Variants in NLGN1 observed in about 807,000 individuals in gnomAD.
The protein encoded by NLGN1 is neuroligin 1.
A neutral mutation model predicts 65.5 loss-of-function variants in NLGN1; 12 were observed. That is an observed-to-expected ratio of 0.18 (90% CI 0.12 to 0.30). NLGN1 has a LOEUF of 0.30. Among genes scored for constraint, NLGN1 ranks in the 10% least tolerant of loss-of-function variants. NLGN1 has a pLI of 1.00. For missense variants in NLGN1, 750 were observed against 1,007.1 expected (o/e 0.74, Z 3.46); for synonymous variants, 350 against 359.5 (o/e 0.97, Z 0.30).
At chr3:174,259,434 CT>C (rs979304123) in intron 4 of NLGN1, among the ~76,000 whole-genome samples, 6 of 150,732 alleles carry the variant, frequency 4.0e-5, no homozygotes, top group South Asian at 2.1e-4. Flanking sequence ...GAGGAGATGG[CT>C]TTTTTTTTCT....
intron 3 of NLGN1, among the ~76,000 whole-genome samples, chr3:173,766,978 A>C (rs1345465693): frequency 1.8e-4 from 28 of 152,160 alleles, no homozygotes. Flanking sequence ...TTCTTCCTAA[A>C]ATTATCTCCT....
chr3:173,861,550 GTGTGT>G (rs1729095508), intron 4 of NLGN1, among the ~76,000 whole-genome samples: 3 of 127,690 alleles, frequency 2.3e-5, no homozygotes, highest in African/African-American at 9.8e-5. Context: ...GTGTGTGTGT[GTGTGT>G]GTATATACAC....
intron 4 of NLGN1, among the ~76,000 whole-genome samples, chr3:174,177,302 T>C (rs1729632896): frequency 6.6e-6 from 1 of 152,218 alleles, no homozygotes; most frequent in African/African-American, 2.4e-5. Context: ...TTTATTTTTC[T>C]CAATTTCCTA....
chr3:173,653,061 A>T lies in NLGN1; in HGVS notation c.493+47970A>T, dbSNP rs547381061. Among the ~76,000 whole-genome samples, 3 of 152,262 alleles carry T rather than the reference A, an allele frequency of 2.0e-5. No individual in the cohort carries two copies. The South Asian group carries it at 6.2e-4, about 32-fold the overall frequency. ...GGTTTCATTGTTGTTAGTGTATAAAAATGCTACTGATTTTTGTATATCTAT... is the reference window on the plus strand; with the variant it reads ...GGTTTCATTGTTGTTAGTGTATAAATATGCTACTGATTTTTGTATATCTAT... On this transcript the variant is annotated intron_variant, in intron 3 of 6. Coordinates refer to ENST00000457714, the Ensembl canonical transcript of NLGN1.
chr3:174,052,953 T>C (rs1735236445), intron 4 of NLGN1, among the ~76,000 whole-genome samples: 1 of 152,032 alleles, frequency 6.6e-6, no homozygotes, highest in Admixed American at 6.6e-5. Context: ...GCAGTAAATG[T>C]TTTACAACTA....
At chr3:173,882,771 A>G (rs1451802851) in intron 4 of NLGN1, among the ~76,000 whole-genome samples, 2 of 152,270 alleles carry the variant, frequency 1.3e-5, no homozygotes, top group Non-Finnish European at 2.9e-5. Context: ...TGCTTACTAT[A>G]GTAGCACTTT....
intron 2 of NLGN1, among the ~76,000 whole-genome samples, chr3:173,588,191 A>G (rs1747825153): frequency 6.6e-6 from 1 of 152,206 alleles, no homozygotes; most frequent in Admixed American, 6.5e-5. Context: ...GATGAGTCTA[A>G]TGTTTTTATT....
intron 2 of NLGN1, among the ~76,000 whole-genome samples, chr3:173,541,780 G>A (rs1235548734): frequency 1.3e-5 from 2 of 152,104 alleles, no homozygotes; most frequent in South Asian, 2.1e-4. Context: ...AATGTTGCTG[G>A]CATCTGGTTT....
At chr3:174,292,744 C>T in the NLGN1 span, among the ~76,000 whole-genome samples, 2 of 151,248 alleles carry the variant, frequency 1.3e-5, no homozygotes, top group African/African-American at 4.8e-5. Context: ...TTTTATTGCT[C>T]CCAATGAATC....
intron 2 of NLGN1, among the ~76,000 whole-genome samples, chr3:173,576,774 G>C (rs938506770): frequency 5.3e-5 from 8 of 152,080 alleles, no homozygotes; most frequent in African/African-American, 9.7e-5. Flanking sequence ...CAGATTCCAG[G>C]AATTAAGACA....
chr3:173,538,623 T>G (rs1737860846), intron 2 of NLGN1, among the ~76,000 whole-genome samples: 1 of 152,132 alleles, frequency 6.6e-6, no homozygotes, highest in Non-Finnish European at 1.5e-5. Flanking sequence ...GAGGAAGTGG[T>G]GTCATGTCAG....
At chr3:173,967,397 T>C (rs993565944) in intron 4 of NLGN1, among the ~76,000 whole-genome samples, 8 of 152,168 alleles carry the variant, frequency 5.3e-5, no homozygotes, top group African/African-American at 1.9e-4. Flanking sequence ...TGTAATGGTA[T>C]GCTTTCCTTT....
intron 4 of NLGN1, among the ~76,000 whole-genome samples, chr3:174,263,854 C>T (rs1747455594): frequency 6.6e-6 from 1 of 151,128 alleles, no homozygotes; most frequent in Admixed American, 6.6e-5. Flanking sequence ...GCGCTTCCTT[C>T]AGGAGCTCTT....
At chr3:174,218,251 G>T (rs1024361380) in intron 4 of NLGN1, among the ~76,000 whole-genome samples, 64 of 151,784 alleles carry the variant, frequency 4.2e-4, no homozygotes, top group Admixed American at 5.9e-4. Flanking sequence ...ACCTTCCCAA[G>T]AGTAATATGG....
intron 4 of NLGN1, among the ~76,000 whole-genome samples, chr3:174,242,159 G>A (rs1743002990): frequency 6.6e-6 from 1 of 152,084 alleles, no homozygotes; most frequent in African/African-American, 2.4e-5. Context: ...TAATAATACT[G>A]GCCTAGTAGA....
chr3:174,094,714 T>C (rs1462725), intron 4 of NLGN1, among the ~76,000 whole-genome samples: 23,373 of 144,610 alleles, frequency 0.16, 2,428 homozygotes, highest in African/African-American at 0.29. Flanking sequence ...AACAAACAAA[T>C]TGCTTTCCTG....
chr3:173,626,082 G>C (rs1050710115), intron 3 of NLGN1, among the ~76,000 whole-genome samples: 4 of 151,962 alleles, frequency 2.6e-5, no homozygotes, highest in Admixed American at 6.6e-5. Context: ...GCTTTCTGTG[G>C]TCATAGACAT....
chr3:173,804,991 A>T (rs1211345655), intron 3 of NLGN1, among the ~76,000 whole-genome samples: 1 of 152,166 alleles, frequency 6.6e-6, no homozygotes, highest in Non-Finnish European at 1.5e-5. Flanking sequence ...ACGCCACTGC[A>T]CTCCAGCCTG....
intron 4 of NLGN1, among the ~76,000 whole-genome samples, chr3:174,047,607 A>G (rs1029237384): frequency 1.3e-5 from 2 of 152,066 alleles, no homozygotes; most frequent in Non-Finnish European, 1.5e-5. Flanking sequence ...ACACATGCAC[A>G]GATGCATATA....
Sources: gnomAD v4.1 joint callset for allele counts (sites outside exome capture counted in the v4.1 genomes callset) on GRCh38, gnomAD v4.1.1 for gene constraint, MANE v1.5 for transcripts, NCBI Gene and HGNC (gene_info 2026-07-23, HGNC 2026-07-21) for gene names.